Variants in AXDND1 observed in about 807,000 individuals in gnomAD.
AXDND1 encodes the protein axonemal dynein light chain domain-containing protein 1.
AXDND1 carries 110 observed loss-of-function variants against 137.5 expected under a neutral mutation model. The ratio of observed to expected loss-of-function variants is 0.80; its 90% CI spans 0.69 to 0.94. The LOEUF is 0.94. AXDND1 is among the 40% of genes least tolerant of loss of function. AXDND1 has a pLI of 0.00. For missense variants in AXDND1, 1,191 were observed against 1,169.8 expected, an observed-to-expected ratio of 1.02 and a Z score of -0.26; for synonymous variants, 414 against 399.7, an observed-to-expected ratio of 1.04 and a Z score of -0.43.
rs758300489 is a variant in AXDND1, at chr1:179,385,242, A to C, written c.746A>C (p.His249Pro). ...NQEYTGPTKM[H>P]KLLHILKKEQ... ...ATGTTACTTACCTTCTGACAGATGC[A>C]CAAACTACTACATATATTGAAGAAG... The change falls in exon 9 of 26, where the codon CAC (histidine) becomes CCC (proline). Residue 249 changes from histidine (H) to proline (P), a missense_variant. Coordinates refer to ENST00000367618, the MANE Select transcript of AXDND1 (RefSeq NM_144696.6). 1 of 1,609,188 alleles carries C rather than the reference A, an allele frequency of 6.2e-7. No homozygotes were observed. Among genetic ancestry groups the C allele is most frequent in the South Asian group, 1.1e-5 (1 of 90,912 alleles).
At chr1:179,448,449 A>C in intron 16 of AXDND1, 1 of 526,622 alleles carries the variant, frequency 1.9e-6, no homozygotes, top group Non-Finnish European at 3.5e-6. Context: ...ATTTTCAGCC[A>C]CCTTTCCTTA....
chr1:179,447,897 A>G, intron 16 of AXDND1: 2 of 1,365,092 alleles, frequency 1.5e-6, no homozygotes, highest in Non-Finnish European at 2.1e-6. Flanking sequence ...ACACATTTCT[A>G]TGTAATATGG....
At chr1:179,404,918 A>G (rs968056152) in intron 11 of AXDND1, among the ~76,000 whole-genome samples, 19 of 149,686 alleles carry the variant, frequency 1.3e-4, no homozygotes, top group African/African-American at 3.9e-4. Flanking sequence ...TTTTTTTTTT[A>G]ATTATACTTT....
At chr1:179,378,556 G>A (rs1259449611) in intron 4 of AXDND1, 81 bp from the exon 5 acceptor site, 3 of 1,109,260 alleles carry the variant, frequency 2.7e-6, no homozygotes, top group East Asian at 3.1e-5. Flanking sequence ...CCATTAGAAG[G>A]ATATGTGTGG....
intron 19 of AXDND1, among the ~76,000 whole-genome samples, chr1:179,492,610 A>G (rs554919234): frequency 5.8e-4 from 88 of 152,278 alleles, no homozygotes; most frequent in African/African-American, 1.9e-3. Flanking sequence ...TTTTCCCTTC[A>G]TTTCAATTCA....
intron 17 of AXDND1, among the ~76,000 whole-genome samples, chr1:179,480,822 T>A (rs756247825): frequency 3.3e-5 from 5 of 152,138 alleles, no homozygotes; most frequent in Admixed American, 1.3e-4. Flanking sequence ...TGGTGTTTTG[T>A]CAAGGCTTGC....
intron 17 of AXDND1, among the ~76,000 whole-genome samples, chr1:179,473,466 C>G (rs1284992023): frequency 6.6e-6 from 1 of 152,106 alleles, no homozygotes; most frequent in Non-Finnish European, 1.5e-5. Context: ...CCATTGCACT[C>G]CAGCCTGAGC....
At chr1:179,539,666 C>T (rs1671921032) in intron 25 of AXDND1, among the ~76,000 whole-genome samples, 1 of 152,164 alleles carries the variant, frequency 6.6e-6, no homozygotes, top group Admixed American at 6.5e-5. Flanking sequence ...AAATATGTGT[C>T]TTGGGGTTGC....
chr1:179,551,560 G>T, intron 25 of AXDND1: 2 of 1,228,972 alleles, frequency 1.6e-6, no homozygotes, highest in Non-Finnish European at 2.4e-6. Context: ...TATGTGGCAA[G>T]CACGGTTAAG....
intron 11 of AXDND1, among the ~76,000 whole-genome samples, chr1:179,404,429 C>A (rs1652612459): frequency 6.6e-6 from 1 of 151,728 alleles, no homozygotes; most frequent in South Asian, 2.1e-4. Context: ...ACTGTGTTGG[C>A]CAGGCTGGTC....
chr1:179,456,764 G>A (rs1661465366), intron 16 of AXDND1: 11 of 782,050 alleles, frequency 1.4e-5, no homozygotes, highest in Non-Finnish European at 2.5e-5. Flanking sequence ...GACCTCTTTG[G>A]CTGGATGAAG....
intron 19 of AXDND1, among the ~76,000 whole-genome samples, chr1:179,492,354 C>T (rs977676145): frequency 6.6e-6 from 1 of 151,960 alleles, no homozygotes; most frequent in Admixed American, 6.6e-5. Context: ...GAATTACAGC[C>T]ATGAGCCACC....
chr1:179,522,775 A>G (rs929645223), intron 21 of AXDND1, among the ~76,000 whole-genome samples: 3 of 151,458 alleles, frequency 2.0e-5, no homozygotes, highest in African/African-American at 7.3e-5. Flanking sequence ...CAAATATTTT[A>G]TAGCAAGAAT....
intron 11 of AXDND1, among the ~76,000 whole-genome samples, chr1:179,396,362 A>T (rs974852901): frequency 6.6e-6 from 1 of 151,634 alleles, no homozygotes; most frequent in African/African-American, 2.4e-5. Context: ...ATATAAAAAA[A>T]TTTGCGGCTG....
intron 11 of AXDND1, among the ~76,000 whole-genome samples, chr1:179,405,725 T>C (rs919720922): frequency 1.3e-5 from 2 of 152,216 alleles, no homozygotes; most frequent in Admixed American, 6.5e-5. Flanking sequence ...TTTGTTTGTT[T>C]GTTTCTGATT....
Position 179,525,371 on chromosome 1 carries a change from A to T in AXDND1, c.2534A>T (p.Glu845Val), listed in dbSNP as rs765165781. ...GAATTCATTGAGCCTGAAATAGACG[A>T]GTCTTTTAAAGAAGATGAAGAAGAA... ...VKEFIEPEID[E>V]SFKEDEEESK... The change falls in exon 22 of 26, where the codon GAG (glutamate) becomes GTG (valine). Residue 845 changes from glutamate to valine, a missense_variant. Transcript: ENST00000367618. 6.2e-7 allele frequency: 1 copy of T among 1,612,270 alleles called. No individual in the cohort carries two copies. Among genetic ancestry groups the T allele is most frequent in the Non-Finnish European group, 8.5e-7 (1 of 1,178,928 alleles).
intron 21 of AXDND1, among the ~76,000 whole-genome samples, chr1:179,514,262 G>T (rs1417422646): frequency 1.3e-5 from 2 of 151,958 alleles, no homozygotes; most frequent in Non-Finnish European, 2.9e-5. Context: ...GGTTTTGATA[G>T]GTAGTGTCAT....
At chr1:179,415,291 G>A (rs981312743) in intron 12 of AXDND1, among the ~76,000 whole-genome samples, 30 of 152,166 alleles carry the variant, frequency 2.0e-4, no homozygotes, top group East Asian at 1.4e-3. Flanking sequence ...GCAGTGAGCC[G>A]AGATCGCACC....
intron 2 of AXDND1, among the ~76,000 whole-genome samples, chr1:179,367,949 T>C (rs2125035498): frequency 6.6e-6 from 1 of 151,772 alleles, no homozygotes; most frequent in East Asian, 1.9e-4. Context: ...CACCTTGTAC[T>C]AAAACCCCAA....
Sources: allele counts gnomAD v4.1 joint callset (sites outside exome capture counted in the v4.1 genomes callset), GRCh38; gene constraint gnomAD v4.1.1; transcripts MANE v1.5; gene names NCBI Gene and HGNC (gene_info 2026-07-23, HGNC 2026-07-21).